The following WNT9B variants were observed in gnomAD, a reference collection of about 807,000 sequenced individuals.
The protein encoded by WNT9B is Wnt family member 9B.
Under a neutral mutation model 30.2 loss-of-function variants are expected in WNT9B, and 12 were observed. The observed-to-expected ratio is 0.40, with a 90% CI of 0.26 to 0.64. The LOEUF (loss-of-function observed/expected upper bound fraction) is 0.64, where lower values mean the gene tolerates loss of function less well. Among genes scored for constraint, WNT9B ranks in the 30% least tolerant of loss-of-function variants. The pLI, the probability that WNT9B is intolerant of heterozygous loss-of-function variation, is 0.42. For synonymous variants in WNT9B, 218 were observed against 216.9 expected (o/e 1.01, Z -0.05); for missense variants, 442 against 485.2 (o/e 0.91, Z 0.84).
At chr17:46,837,899 G>A (rs1373089) in intron 1 of WNT9B, among the ~76,000 whole-genome samples, 103,540 of 152,132 alleles carry the variant, frequency 0.68, 37,858 homozygotes, top group East Asian at 0.99. Context: ...TGACAGTTGG[G>A]AAAAAAGTGC....
intron 1 of WNT9B, among the ~76,000 whole-genome samples, chr17:46,860,672 C>T (rs76304254): frequency 6.6e-6 from 1 of 152,180 alleles, no homozygotes; most frequent in Non-Finnish European, 1.5e-5. Flanking sequence ...CAGCGTCCCA[C>T]GTTTAGAAGA....
intron 1 of WNT9B, among the ~76,000 whole-genome samples, chr17:46,859,182 G>C (rs9901879): frequency 0.025 from 3,729 of 151,244 alleles, 153 homozygotes; most frequent in African/African-American, 0.086. Flanking sequence ...CACCATGTTG[G>C]GCAGGCTGGT....
chr17:46,838,068 G>A (rs1469604227), intron 1 of WNT9B, among the ~76,000 whole-genome samples: 1 of 152,100 alleles, frequency 6.6e-6, no homozygotes, highest in African/African-American at 2.4e-5. Flanking sequence ...AGGGGGTGGA[G>A]GAACCTTTTG....
At chr17:46,873,584 C>G (rs1327413584) in intron 2 of WNT9B, among the ~76,000 whole-genome samples, 1 of 152,158 alleles carries the variant, frequency 6.6e-6, no homozygotes, top group African/African-American at 2.4e-5. Context: ...CTAGCCTGGG[C>G]GCAGTGGCTT....
intron 1 of WNT9B, among the ~76,000 whole-genome samples, chr17:46,836,111 T>TGTGTGTGTGTGTGTGC (rs1443627712): frequency 4.0e-5 from 6 of 150,914 alleles, no homozygotes; most frequent in Non-Finnish European, 7.4e-5. Context: ...TGTGTGTGTG[T>TGTGTGTGTGTGTGTGC]GTGTGTGTGT....
intron 1 of WNT9B, among the ~76,000 whole-genome samples, chr17:46,871,628 G>T (rs1238841426): frequency 3.3e-5 from 5 of 152,186 alleles, no homozygotes; most frequent in African/African-American, 1.2e-4. Context: ...ACCCTAGGAG[G>T]TAGAGAAGAT....
intron 1 of WNT9B, among the ~76,000 whole-genome samples, chr17:46,862,174 A>AAAAAAG (rs1266460717): frequency 6.6e-6 from 1 of 150,946 alleles, no homozygotes; most frequent in African/African-American, 2.5e-5. Context: ...AAAAAAAAAA[A>AAAAAAG]AAAAAGAAAA....
chr17:46,859,245 G>T (rs1036819814), intron 1 of WNT9B, among the ~76,000 whole-genome samples: 8 of 152,296 alleles, frequency 5.3e-5, no homozygotes, highest in African/African-American at 9.6e-5. Context: ...CAAAGTGCTG[G>T]CATTACAGGC....
At chr17:46,869,348 A>G (rs916877266) in intron 1 of WNT9B, among the ~76,000 whole-genome samples, 1 of 152,198 alleles carries the variant, frequency 6.6e-6, no homozygotes, top group Non-Finnish European at 1.5e-5. Flanking sequence ...AACACTGGCC[A>G]TGCAGAGCTG....
At chr17:46,850,490 C>T (rs1282226533), upstream of WNT9B, among the ~76,000 whole-genome samples, 1 of 152,194 alleles carries the variant, frequency 6.6e-6, no homozygotes, top group East Asian at 1.9e-4. Context: ...CTGGTGTCCA[C>T]TGAAAAGCCA....
chr17:46,851,778 A>G lies in WNT9B; in HGVS notation c.77+63A>G, dbSNP rs1171202900. ...TGCCTGTCTCTCCCTCCTGCGCTACAGCTGGGCCAATTTTTCCCTCCCGCT... is the reference window on the plus strand; with the variant it reads ...TGCCTGTCTCTCCCTCCTGCGCTACGGCTGGGCCAATTTTTCCCTCCCGCT... On this transcript the variant is annotated intron_variant, in intron 1 of 3. Transcript: ENST00000290015. The surrounding 1 kb of genome is among the most constrained non-coding windows in gnomAD (Gnocchi z 4.3). The G allele has an allele frequency of 2.3e-6, 2 of 885,696 alleles. No homozygotes were observed. The highest frequency in any genetic ancestry group is 3.0e-6 in the Non-Finnish European group (2 of 667,084). 54.9% of individuals were successfully genotyped at this position (885,696 alleles called of 1,614,324 possible). A position where few individuals can be genotyped will look rare whatever the true frequency, so the allele number is the denominator to read the frequency against.
intron 1 of WNT9B, among the ~76,000 whole-genome samples, chr17:46,834,636 G>T (rs922948191): frequency 6.6e-6 from 1 of 152,150 alleles, no homozygotes; most frequent in Non-Finnish European, 1.5e-5. Context: ...CTGGGCACAG[G>T]CTTGGTCCTT....
At chr17:46,882,928 C>T (rs1490332888), downstream of WNT9B, among the ~76,000 whole-genome samples, 1 of 152,106 alleles carries the variant, frequency 6.6e-6, no homozygotes, top group African/African-American at 2.4e-5. Flanking sequence ...CCTGTGCAGG[C>T]CATTTCCTCA....
intron 1 of WNT9B, among the ~76,000 whole-genome samples, chr17:46,839,860 C>G (rs534158741): frequency 6.6e-6 from 1 of 152,182 alleles, no homozygotes; most frequent in Admixed American, 6.5e-5. Context: ...ATGAACTCAT[C>G]CTTTTTCATG....
chr17:46,845,991 A>T (rs1314201644), intron 1 of WNT9B, among the ~76,000 whole-genome samples: 1 of 151,836 alleles, frequency 6.6e-6, no homozygotes, highest in Non-Finnish European at 1.5e-5. Flanking sequence ...GGGTTTTGCC[A>T]TGTTGGCCAG....
intron 1 of WNT9B, among the ~76,000 whole-genome samples, chr17:46,868,570 T>C (rs976800291): frequency 2.0e-5 from 3 of 152,114 alleles, no homozygotes; most frequent in Non-Finnish European, 4.4e-5. Context: ...CACTCCAGCC[T>C]GGGTGATGGA....
At chr17:46,849,892 G>A (rs1188653459), upstream of WNT9B, among the ~76,000 whole-genome samples, 2 of 146,816 alleles carry the variant, frequency 1.4e-5, no homozygotes, top group Non-Finnish European at 3.0e-5. Flanking sequence ...CTATTGCCCA[G>A]GCCAGAGTGC....
intron 1 of WNT9B, among the ~76,000 whole-genome samples, chr17:46,859,552 A>C (rs2084999358): frequency 1.3e-5 from 2 of 152,218 alleles, no homozygotes; most frequent in South Asian, 4.1e-4. Context: ...GCTTTAAAAA[A>C]AATTTTTCCC....
chr17:46,876,176 GC>G (rs2085341883), intron 3 of WNT9B, 68 bp from the exon 4 acceptor site: 3 of 1,438,066 alleles, frequency 2.1e-6, no homozygotes, highest in Non-Finnish European at 9.4e-7. Flanking sequence ...TGGGGTTGGT[GC>G]TCTGGGGGCA....
Sources: allele counts gnomAD v4.1 joint callset (sites outside exome capture counted in the v4.1 genomes callset), GRCh38; gene constraint gnomAD v4.1.1; non-coding constraint Gnocchi (gnomAD v3.1); transcripts MANE v1.5; gene names NCBI Gene and HGNC (gene_info 2026-07-23, HGNC 2026-07-21).